ARID5A: variants seen among roughly 807,000 people sequenced by gnomAD.
ARID5A encodes the protein AT-rich interactive domain-containing protein 5A.
Under a neutral mutation model 30.5 loss-of-function variants are expected in ARID5A, and 14 were observed. That is an observed-to-expected ratio of 0.46 (90% CI 0.30 to 0.72). The LOEUF (loss-of-function observed/expected upper bound fraction) is 0.72. ARID5A is among the 30% of genes least tolerant of loss of function. ARID5A has a pLI of 0.07. For synonymous variants in ARID5A, 338 were observed against 340.4 expected, an observed-to-expected ratio of 0.99 and a Z score of 0.08; for missense variants, 669 against 786.2, an observed-to-expected ratio of 0.85 and a Z score of 1.78.
chr2:96,551,106 C>G lies in ARID5A; in HGVS notation c.578C>G (p.Pro193Arg), dbSNP rs777351080. The G allele has an allele frequency of 2.7e-5, 43 of 1,610,270 alleles. No individual in the cohort carries two copies. In the South Asian group the frequency reaches 4.0e-4, roughly 15 times the overall value. The stretch of plus-strand genomic sequence containing the variant: ...GACTTTCTCTCATTCCAGATGATGC[C>G]AGGAAAGACCAAAGCAGATGCTGCT... ...KEERRMDQMM[P>R]GKTKADAADP... Residue 193 changes from proline (P) to arginine (R), a missense_variant, in exon 7 of 7, where the codon CCA (proline) becomes CGA (arginine). Coordinates refer to ENST00000357485, the MANE Select transcript of ARID5A (RefSeq NM_212481.3).
Position 96,549,132 on chromosome 2 carries a change from T to G in ARID5A, c.121-189T>G, listed in dbSNP as rs1173409354. On this transcript the variant is annotated intron_variant, in intron 2 of 6. Transcript: ENST00000357485. The surrounding 1 kb of genome is among the most constrained non-coding windows in gnomAD (Gnocchi z 6.1). Reference sequence around the variant, plus strand: ...GACTCTAGCTCCTGTCCTGGGGCGCTGAGAGCTGACACCTGTGTCTGCCGA... The same window carrying G: ...GACTCTAGCTCCTGTCCTGGGGCGCGGAGAGCTGACACCTGTGTCTGCCGA... 6.6e-6 allele frequency among the ~76,000 whole-genome samples: 1 copy of G among 152,168 alleles called. No individual in the cohort carries two copies. The highest frequency in any genetic ancestry group is 2.4e-5 in the African/African-American group (1 of 41,450).
chr2:96,551,910 C>A lies in ARID5A; in HGVS notation c.1382C>A (p.Ala461Asp). ...GCCCACAGTGGGAAGAGACTGCGGG[C>A]CGTGTCTCCCTTTCTTAAGGAGGCG... is the stretch of plus-strand genomic sequence containing the variant. ...GAAHSGKRLR[A>D]VSPFLKEADA... Residue 461 changes from alanine (A) to aspartate (D), a missense_variant, in exon 7 of 7, where the codon GCC becomes GAC. Ala to Asp is a moderately radical substitution (Grantham distance 126). Transcript: ENST00000357485. The A allele has an allele frequency of 1.3e-6, 2 of 1,534,324 alleles. No homozygotes were observed. Among genetic ancestry groups the A allele is most frequent in the East Asian group, 2.3e-5 (1 of 43,918 alleles).
intron 2 of ARID5A, among the ~76,000 whole-genome samples, chr2:96,548,438 G>A (rs1306902556): frequency 6.6e-6 from 1 of 152,056 alleles, no homozygotes; most frequent in Non-Finnish European, 1.5e-5. Context: ...GCTAATTTTT[G>A]TATTTTTAGT....
intron 1 of ARID5A, chr2:96,538,461 C>A: frequency 2.1e-6 from 1 of 478,528 alleles, no homozygotes; most frequent in Non-Finnish European, 2.8e-6. Flanking sequence ...CGCCCTCCCC[C>A]AAGCTGAGGT....
chr2:96,538,956 C>G (rs994695660), intron 1 of ARID5A, among the ~76,000 whole-genome samples: 1 of 152,116 alleles, frequency 6.6e-6, no homozygotes, highest in Non-Finnish European at 1.5e-5. Flanking sequence ...GCTGTGTGGC[C>G]TTGTACTAGT....
At chr2:96,548,644 G>A (rs911057468) in intron 2 of ARID5A, among the ~76,000 whole-genome samples, 1 of 152,210 alleles carries the variant, frequency 6.6e-6, no homozygotes, top group Non-Finnish European at 1.5e-5. Flanking sequence ...GAAGCTGTCT[G>A]TTCTCTGAGC....
Position 96,551,766 on chromosome 2 carries a change from C to T in ARID5A, c.1238C>T (p.Pro413Leu), listed in dbSNP as rs777507265. The change falls in exon 7 of 7, where the codon CCC (proline) becomes CTC (leucine). Residue 413 changes from proline (P) to leucine (L), a missense_variant. Transcript: ENST00000357485. ...GSRKGILYPK[P>L]KACWVSPMAK... ...AGAAAGGGCATCCTCTACCCCAAGC[C>T]CAAAGCCTGCTGGGTGTCCCCCATG... The T allele has an allele frequency of 6.5e-7, 1 of 1,533,048 alleles. No homozygotes were observed. The highest frequency in any genetic ancestry group is 8.7e-7 in the Non-Finnish European group (1 of 1,144,288). The allele number at this position is 1,533,048 out of a possible 1,614,324, so 95.0% of individuals were successfully genotyped here.
chr2:96,548,275 A>T (rs972541577), intron 2 of ARID5A, among the ~76,000 whole-genome samples: 10 of 149,644 alleles, frequency 6.7e-5, no homozygotes, highest in African/African-American at 1.7e-4. Context: ...ATCAATTATT[A>T]TTTTTTTTTT....
rs1191543574 is a variant in ARID5A, at chr2:96,550,820, G to A, written c.570+87G>A. The A allele has an allele frequency of 2.7e-6, 4 of 1,455,908 alleles. No individual in the cohort carries two copies. The African/African-American group carries it at 5.7e-5, about 21-fold the overall frequency. The allele number at this position is 1,455,908 out of a possible 1,614,324, so 90.2% of individuals were successfully genotyped here. A position where few individuals can be genotyped will look rare whatever the true frequency, so the allele number is the denominator to read the frequency against. Reference sequence around the variant, plus strand: ...ACTCCCTGTGGCCGCGGAGCTGTCTGCTCAGAATACACAGAACCTGCACCC... The same window carrying A: ...ACTCCCTGTGGCCGCGGAGCTGTCTACTCAGAATACACAGAACCTGCACCC... On this transcript the variant is annotated intron_variant, in intron 6 of 6. Coordinates refer to ENST00000357485, the MANE Select transcript of ARID5A (RefSeq NM_212481.3). This position sits in a 1 kb window ranked among gnomAD's most constrained non-coding sequence, Gnocchi z 6.6.
chr2:96,548,594 G>A (rs1573197543), intron 2 of ARID5A, among the ~76,000 whole-genome samples: 1 of 152,180 alleles, frequency 6.6e-6, no homozygotes, highest in Non-Finnish European at 1.5e-5. Flanking sequence ...TGGAACACAT[G>A]GCTGTCTGCG....
Position 96,550,001 on chromosome 2 carries a change from G to C in ARID5A, c.313-187G>C, listed in dbSNP as rs1231168653. ...CTTCCCCATCTGTTCTGCCCGCCCC[G>C]TGTTGGGAAAACTGCTTGGGCCAGC... On this transcript the variant is annotated intron_variant, in intron 4 of 6. Coordinates refer to ENST00000357485, the MANE Select transcript of ARID5A (RefSeq NM_212481.3). This position sits in a 1 kb window ranked among gnomAD's most constrained non-coding sequence, Gnocchi z 6.6. 4 of 1,534,510 alleles carry C rather than the reference G, an allele frequency of 2.6e-6. No homozygotes were observed. The Admixed American group carries it at 5.9e-5, about 23-fold the overall frequency.
At chr2:96,542,255 G>A (rs2065859333) in intron 1 of ARID5A, among the ~76,000 whole-genome samples, 1 of 152,182 alleles carries the variant, frequency 6.6e-6, no homozygotes, top group South Asian at 2.1e-4. Flanking sequence ...AGAAGAGGGG[G>A]CCCAAAGGCC....
Position 96,550,762 on chromosome 2 carries a change from T to G in ARID5A, c.570+29T>G. Reference sequence around the variant, plus strand: ...GGCCTGCGGCTGGCTGGGGCCACCCTGTCCCTTGCCTCTTGTAGCCCCCTA... The same window carrying G: ...GGCCTGCGGCTGGCTGGGGCCACCCGGTCCCTTGCCTCTTGTAGCCCCCTA... On this transcript the variant is annotated intron_variant, in intron 6 of 6. Transcript: ENST00000357485. The surrounding 1 kb of genome is among the most constrained non-coding windows in gnomAD (Gnocchi z 6.6). 1 of 1,524,996 alleles carries G rather than the reference T, an allele frequency of 6.6e-7. No homozygotes were observed. The highest frequency in any genetic ancestry group is 8.8e-7 in the Non-Finnish European group (1 of 1,134,334). 94.5% of individuals were successfully genotyped at this position (1,524,996 alleles called of 1,614,324 possible). A position where few individuals can be genotyped will look rare whatever the true frequency, so the allele number is the denominator to read the frequency against.
chr2:96,550,024 A>G lies in ARID5A; in HGVS notation c.313-164A>G, dbSNP rs971029194. On this transcript the variant is annotated intron_variant, in intron 4 of 6. Coordinates refer to ENST00000357485, the MANE Select transcript of ARID5A (RefSeq NM_212481.3). This position sits in a 1 kb window ranked among gnomAD's most constrained non-coding sequence, Gnocchi z 6.6. ...CCGTGTTGGGAAAACTGCTTGGGCC[A>G]GCAGTCCATGGCCCTAGGAGAGAGA... 6.5e-7 allele frequency: 1 copy of G among 1,533,708 alleles called. No individual in the cohort carries two copies. The highest frequency in any genetic ancestry group is 1.4e-5 in the African/African-American group (1 of 72,956).
chr2:96,544,888 G>A (rs1417754420), intron 1 of ARID5A, among the ~76,000 whole-genome samples: 1 of 152,150 alleles, frequency 6.6e-6, no homozygotes, highest in Non-Finnish European at 1.5e-5. Flanking sequence ...GTGGGAGGAG[G>A]TCAAAATATC....
Position 96,551,498 on chromosome 2 carries a change from A to G in ARID5A, c.970A>G (p.Ser324Gly). The G allele has an allele frequency of 6.3e-7, 1 of 1,591,906 alleles. No homozygotes were observed. The highest frequency in any genetic ancestry group is 1.3e-5 in the African/African-American group (1 of 74,498). ...PQEGLQAPGG[S>G]LREEAQAGPC... is the part of the protein sequence containing the mutation. Reference sequence around the variant, plus strand: ...GGAGGGATTGCAGGCCCCAGGTGGCAGCCTCAGAGAGGAGGCGCAGGCAGG... The same window carrying G: ...GGAGGGATTGCAGGCCCCAGGTGGCGGCCTCAGAGAGGAGGCGCAGGCAGG... Residue 324 changes from serine (S) to glycine (G), a missense_variant, in exon 7 of 7, where the codon AGC becomes GGC. Ser to Gly is a moderately conservative substitution (Grantham distance 56). Transcript: ENST00000357485.
chr2:96,542,208 G>C (rs1157873830), intron 1 of ARID5A, among the ~76,000 whole-genome samples: 1 of 152,180 alleles, frequency 6.6e-6, no homozygotes, highest in Admixed American at 6.5e-5. Flanking sequence ...GAGACCAAGG[G>C]GGAGAGGACT....
In ARID5A at chr2:96,552,031, G is replaced by A. The variant is rs1190435653; in HGVS notation, c.1503G>A (p.Arg501=). The change falls in exon 7 of 7, where the codon AGG becomes AGA. Residue 501 remains arginine (R), a synonymous_variant. Coordinates refer to ENST00000357485, the MANE Select transcript of ARID5A (RefSeq NM_212481.3). ...GGCCTGTGCCCCCAGAGGCCTACAGGGGCACCATGCTGCACTGCCCGCTGA... is the reference window on the plus strand; with the variant it reads ...GGCCTGTGCCCCCAGAGGCCTACAGAGGCACCATGCTGCACTGCCCGCTGA... ...ALGPVPPEAY[R]GTMLHCPLNF... The A allele has an allele frequency of 6.5e-7, 1 of 1,539,488 alleles. No individual in the cohort carries two copies. Among genetic ancestry groups the A allele is most frequent in the Non-Finnish European group, 8.7e-7 (1 of 1,143,442 alleles).
rs746222389 is a variant in ARID5A, at chr2:96,550,704, A to G, written c.541A>G (p.Lys181Glu). 2.5e-6 allele frequency: 4 copies of G among 1,591,866 alleles called. No individual in the cohort carries two copies. Among genetic ancestry groups the G allele is most frequent in the Non-Finnish European group, 2.6e-6 (3 of 1,170,254 alleles). ...GDDGATERPK[K>E]AKEERRMDQM... is the part of the protein sequence containing the mutation. ...TGATGGGGCCACCGAGAGGCCGAAG[A>G]AGGCCAAGGAGGAGCGGCGCATGGA... Residue 181 changes from lysine (K) to glutamate (E), a missense_variant, in exon 6 of 7, where the codon AAG (lysine) becomes GAG (glutamate). Physicochemically the swap from Lys to Glu is moderately conservative, Grantham distance 56. Coordinates refer to ENST00000357485, the MANE Select transcript of ARID5A (RefSeq NM_212481.3). The surrounding 1 kb of genome is among the most constrained non-coding windows in gnomAD (Gnocchi z 6.6).
Sources: allele counts gnomAD v4.1 joint callset (sites outside exome capture counted in the v4.1 genomes callset), GRCh38; gene constraint gnomAD v4.1.1; non-coding constraint Gnocchi (gnomAD v3.1); transcripts MANE v1.5; gene names NCBI Gene and HGNC (gene_info 2026-07-23, HGNC 2026-07-21).